The following RNF138 variants were observed in gnomAD, a reference collection of about 807,000 sequenced individuals.
RNF138 encodes ring finger protein 138.
A neutral mutation model predicts 31.0 loss-of-function variants in RNF138; 12 were observed. The ratio of observed to expected loss-of-function variants is 0.39; its 90% CI spans 0.25 to 0.63. The LOEUF is 0.63. RNF138 is among the 20% of genes least tolerant of loss of function. The pLI, the probability that RNF138 is intolerant of heterozygous loss-of-function variation, is 0.52. For synonymous variants in RNF138, 105 were observed against 99.5 expected, an observed-to-expected ratio of 1.06 and a Z score of -0.33; for missense variants, 192 against 300.1, an observed-to-expected ratio of 0.64 and a Z score of 2.66.
intron 2 of RNF138, among the ~76,000 whole-genome samples, chr18:32,106,745 T>C (rs1477281220): frequency 6.6e-6 from 1 of 151,948 alleles, no homozygotes; most frequent in Admixed American, 6.6e-5. Context: ...TTTGTATTTT[T>C]AGTAGAGACA....
chr18:32,096,084 T>C (rs780785784), intron 2 of RNF138, among the ~76,000 whole-genome samples: 2 of 152,210 alleles, frequency 1.3e-5, no homozygotes, highest in Admixed American at 6.5e-5. Context: ...GTAGTGGAGA[T>C]GGAGCTTAGC....
chr18:32,117,685 CTG>C (rs1428743210), intron 4 of RNF138, among the ~76,000 whole-genome samples: 1 of 152,152 alleles, frequency 6.6e-6, no homozygotes, highest in African/African-American at 2.4e-5. Flanking sequence ...CTAAAATAAT[CTG>C]TGTCACTTTC....
chr18:32,095,281 C>G (rs149390491), intron 2 of RNF138, among the ~76,000 whole-genome samples: 5 of 152,052 alleles, frequency 3.3e-5, no homozygotes, highest in Non-Finnish European at 7.4e-5. Flanking sequence ...GCAACCCTCC[C>G]GCCTCAGCCT....
intron 4 of RNF138, among the ~76,000 whole-genome samples, chr18:32,120,947 C>T (rs1309071891): frequency 6.6e-6 from 1 of 151,814 alleles, no homozygotes. Context: ...ACCAGCTGGG[C>T]CAACATGGTG....
At chr18:32,117,994 C>T (rs568071207) in intron 4 of RNF138, among the ~76,000 whole-genome samples, 7 of 152,234 alleles carry the variant, frequency 4.6e-5, no homozygotes, top group African/African-American at 7.2e-5. Context: ...TGTTTTCAGG[C>T]TGTTCTTACT....
At chr18:32,104,714 T>C (rs1568228966) in intron 2 of RNF138, among the ~76,000 whole-genome samples, 1 of 152,200 alleles carries the variant, frequency 6.6e-6, no homozygotes, top group Non-Finnish European at 1.5e-5. Flanking sequence ...AATAAAAATA[T>C]ACACAGCTTC....
intron 2 of RNF138, among the ~76,000 whole-genome samples, chr18:32,107,136 T>TTTTTG (rs1568230495): frequency 1.4e-5 from 2 of 146,490 alleles, no homozygotes; most frequent in African/African-American, 5.1e-5. Context: ...TTTTTTTTTT[T>TTTTTG]TGGAGACGGA....
At chr18:32,122,939 T>C (rs1313934899) in intron 4 of RNF138, among the ~76,000 whole-genome samples, 4 of 152,352 alleles carry the variant, frequency 2.6e-5, no homozygotes, top group Middle Eastern at 3.4e-3. Context: ...TCCTCTGATA[T>C]TCCATGTGAC....
chr18:32,119,139 A>T (rs910116113), intron 4 of RNF138, among the ~76,000 whole-genome samples: 3 of 152,300 alleles, frequency 2.0e-5, no homozygotes, highest in African/African-American at 7.2e-5. Context: ...TTGAGGAGTC[A>T]GTTCTTTGTC....
chr18:32,109,172 T>TA (rs1356118729), intron 2 of RNF138, among the ~76,000 whole-genome samples: 2 of 151,300 alleles, frequency 1.3e-5, no homozygotes, highest in Non-Finnish European at 3.0e-5. Flanking sequence ...TTTTTTTTTT[T>TA]AAACAAGGTC....
At chr18:32,118,301 A>G (rs1161070609) in intron 4 of RNF138, among the ~76,000 whole-genome samples, 4 of 151,452 alleles carry the variant, frequency 2.6e-5, no homozygotes, top group African/African-American at 9.7e-5. Flanking sequence ...TGGGAGGCCA[A>G]GGTGGGCAGA....
chr18:32,107,616 G>A (rs1227256389), intron 2 of RNF138, among the ~76,000 whole-genome samples: 1 of 152,004 alleles, frequency 6.6e-6, no homozygotes, highest in Admixed American at 6.6e-5. Flanking sequence ...TGCCTCCCAG[G>A]TTCAAGTGAT....
At position 32,126,001 on chromosome 18, in the gene RNF138, C is replaced by T. The variant is rs1014826860; in HGVS notation, c.562-692C>T. Among the ~76,000 whole-genome samples the T allele has an allele frequency of 5.9e-5, 9 of 152,212 alleles. 1 individual carries two copies. Among genetic ancestry groups the T allele is most frequent in the Admixed American group, 2.6e-4 (4 of 15,282 alleles). ...TTTTTATTCATTTCTGCATAATATT[C>T]GATATATCATAAACTTTGGCTAGAG... On this transcript the variant is annotated intron_variant, in intron 6 of 7. Coordinates refer to ENST00000261593, the MANE Select transcript of RNF138 (RefSeq NM_016271.5).
rs548659230 is a variant in RNF138, at chr18:32,113,933, A to C, written c.392+73A>C. ...AAATTGTTTTGGGAACTATATGATAAGGTATTTGGGGGGATGTGTGTGTGT... is the reference window on the plus strand; with the variant it reads ...AAATTGTTTTGGGAACTATATGATACGGTATTTGGGGGGATGTGTGTGTGT... On this transcript the variant is annotated intron_variant, in intron 4 of 7. Transcript: ENST00000261593. The C allele has an allele frequency of 3.8e-5, 30 of 788,170 alleles. No individual in the cohort carries two copies. The African/African-American group carries it at 5.1e-4, about 13-fold the overall frequency. 48.8% of individuals were successfully genotyped at this position (788,170 alleles called of 1,614,324 possible).
intron 2 of RNF138, among the ~76,000 whole-genome samples, chr18:32,093,808 G>A (rs2144554238): frequency 6.6e-6 from 1 of 152,326 alleles, no homozygotes; most frequent in South Asian, 2.1e-4. Context: ...CCCTTGTTGA[G>A]AAGGTGTATA....
At chr18:32,114,160 C>T (rs1290722342) in intron 4 of RNF138, among the ~76,000 whole-genome samples, 1 of 152,102 alleles carries the variant, frequency 6.6e-6, no homozygotes, top group South Asian at 2.1e-4. Flanking sequence ...GATTTTGCAA[C>T]TGAAATGATT....
At chr18:32,097,092 A>G (rs1167239910) in intron 2 of RNF138, among the ~76,000 whole-genome samples, 3 of 152,236 alleles carry the variant, frequency 2.0e-5, no homozygotes, top group Non-Finnish European at 4.4e-5. Context: ...CAGGTAGTCA[A>G]AGCAAGGCTT....
intron 4 of RNF138, among the ~76,000 whole-genome samples, chr18:32,117,313 G>T (rs767788557): frequency 6.6e-6 from 1 of 152,102 alleles, no homozygotes; most frequent in Non-Finnish European, 1.5e-5. Context: ...TTAGTAAAGA[G>T]ACTATTTTCA....
intron 2 of RNF138, among the ~76,000 whole-genome samples, chr18:32,098,753 T>C (rs1431888546): frequency 6.7e-6 from 1 of 149,882 alleles, no homozygotes; most frequent in African/African-American, 2.5e-5. Flanking sequence ...TTCGGGAGGC[T>C]GAGGCAGGAG....
Sources: gnomAD v4.1 joint callset for allele counts (sites outside exome capture counted in the v4.1 genomes callset) on GRCh38, gnomAD v4.1.1 for gene constraint, MANE v1.5 for transcripts, NCBI Gene and HGNC (gene_info 2026-07-23, HGNC 2026-07-21) for gene names.